SMPD3: variants seen among roughly 807,000 people sequenced by gnomAD.
SMPD3 encodes the protein nSMase-2.
A neutral mutation model predicts 55.7 loss-of-function variants in SMPD3; 21 were observed. The ratio of observed to expected loss-of-function variants is 0.38; its 90% CI spans 0.27 to 0.54. The LOEUF is 0.54. Ranked by LOEUF, SMPD3 falls within the 20% of genes least tolerant of loss-of-function variation. SMPD3 has a pLI of 0.80. For missense variants in SMPD3, 842 were observed against 899.6 expected (o/e 0.94, Z 0.82); for synonymous variants, 457 against 404.3 (o/e 1.13, Z -1.56).
chr16:68,402,712 C>A (rs575971223), intron 1 of SMPD3, among the ~76,000 whole-genome samples: 41 of 152,136 alleles, frequency 2.7e-4, no homozygotes, highest in Non-Finnish European at 4.8e-4. Flanking sequence ...AAAGAGGCAA[C>A]AAGGTTCTAC....
At position 68,370,850 on chromosome 16, in the gene SMPD3, G is replaced by A. The variant is rs760502278; in HGVS notation, c.1323+9C>T. 1.2e-6 allele frequency: 2 copies of A among 1,612,934 alleles called. No individual in the cohort carries two copies. Among genetic ancestry groups the A allele is most frequent in the South Asian group, 1.1e-5 (1 of 90,806 alleles). On this transcript the variant is annotated intron_variant, in intron 3 of 8. Coordinates refer to ENST00000219334, the MANE Select transcript of SMPD3 (RefSeq NM_018667.4). ...CACGTGGTCCTCAGGCTGGGCCGAG[G>A]TCTCCTACCTTGAGAAACAGAGCTC...
intron 1 of SMPD3, among the ~76,000 whole-genome samples, chr16:68,427,282 G>A (rs555171604): frequency 1.3e-5 from 2 of 152,312 alleles, no homozygotes; most frequent in African/African-American, 4.8e-5. Context: ...GGATTAAGGC[G>A]TGAGCCACCA....
chr16:68,380,105 T>C (rs2089915022), intron 2 of SMPD3, among the ~76,000 whole-genome samples: 1 of 152,212 alleles, frequency 6.6e-6, no homozygotes, highest in Non-Finnish European at 1.5e-5. Context: ...CATCTATTAG[T>C]GACCACAAAG....
At chr16:68,418,964 C>T (rs2090362800) in intron 1 of SMPD3, among the ~76,000 whole-genome samples, 1 of 152,112 alleles carries the variant, frequency 6.6e-6, no homozygotes, top group African/African-American at 2.4e-5. Context: ...GGTGTGAGTG[C>T]AGGATGCTGA....
At chr16:68,368,626 G>C (rs2089557599) in intron 3 of SMPD3, 1 of 153,680 alleles carries the variant, frequency 6.5e-6, no homozygotes. Context: ...GCAGCCCGGG[G>C]CAGAGGCTGA....
At position 68,419,114 on chromosome 16, in the gene SMPD3, G is replaced by A. The variant is rs146796049; in HGVS notation, c.-269+29239C>T. The stretch of plus-strand genomic sequence containing the variant: ...GAAGAAGTAGTGGCTAGGGGCCACA[G>A]CTAGTATCTGGCTGGGCTGTCTAGT... On this transcript the variant is annotated intron_variant, in intron 1 of 8. Coordinates refer to ENST00000219334, the MANE Select transcript of SMPD3 (RefSeq NM_018667.4). 5.4e-3 allele frequency among the ~76,000 whole-genome samples: 815 copies of A among 152,310 alleles called. 3 individuals carry two copies. Among genetic ancestry groups the A allele is most frequent in the Non-Finnish European group, 8.4e-3 (572 of 68,030 alleles).
intron 1 of SMPD3, among the ~76,000 whole-genome samples, chr16:68,425,548 C>T (rs576844220): frequency 2.2e-4 from 12 of 54,168 alleles, no homozygotes; most frequent in Admixed American, 2.2e-4. Context: ...GGTGGGGGGG[C>T]GGGCCCTAAG....
chr16:68,411,823 G>C (rs999610904), intron 1 of SMPD3, among the ~76,000 whole-genome samples: 2 of 152,286 alleles, frequency 1.3e-5, no homozygotes, highest in Admixed American at 6.5e-5. Flanking sequence ...TAGGGCAGTG[G>C]GACAGCATCA....
At chr16:68,423,956 G>A (rs1381847447) in intron 1 of SMPD3, among the ~76,000 whole-genome samples, 2 of 152,014 alleles carry the variant, frequency 1.3e-5, no homozygotes, top group African/African-American at 4.8e-5. Flanking sequence ...CTCAGTGGCG[G>A]TGAACAGTCC....
rs1443429272 is a variant in SMPD3 at position 68,401,095 on chromosome 16, CT to C, written c.-268-14437del. Among the ~76,000 whole-genome samples, 14 of 152,302 alleles carry C rather than the reference CT, an allele frequency of 9.2e-5. No individual in the cohort carries two copies. In the South Asian group the frequency reaches 2.7e-3, roughly 29 times the overall value. On this transcript the variant is annotated intron_variant, in intron 1 of 8. Coordinates refer to ENST00000219334, the MANE Select transcript of SMPD3 (RefSeq NM_018667.4). ...AGATAGTGAAACAGAAGTACAGAGT[CT>C]TGAATGAACCACCCAGGCCAGCATC...
Position 68,360,875 on chromosome 16 carries a change from A to G in SMPD3, c.*331T>C, listed in dbSNP as rs2089218731. The G allele has an allele frequency of 3.6e-6, 1 of 275,348 alleles. No individual in the cohort carries two copies. The highest frequency in any genetic ancestry group is 6.9e-6 in the Non-Finnish European group (1 of 144,522). 17.1% of individuals were successfully genotyped at this position (275,348 alleles called of 1,614,324 possible). A position where few individuals can be genotyped will look rare whatever the true frequency, so the allele number is the denominator to read the frequency against. ...AAATAAAGAACCCTGGACGAAGCTTAAGAGGAGATACAGAGAGTACACGAA... is the reference window on the plus strand; with the variant it reads ...AAATAAAGAACCCTGGACGAAGCTTGAGAGGAGATACAGAGAGTACACGAA... On this transcript the variant is annotated 3_prime_UTR_variant, in exon 9 of 9. Coordinates refer to ENST00000219334, the MANE Select transcript of SMPD3 (RefSeq NM_018667.4).
intron 8 of SMPD3, 130 bp downstream of exon 8, chr16:68,361,473 A>G: frequency 8.4e-6 from 12 of 1,433,028 alleles, no homozygotes; most frequent in South Asian, 7.6e-5. Context: ...TAAGGGTCTG[A>G]GGGAGTGATG....
chr16:68,373,574 G>C (rs1283519853), intron 2 of SMPD3, among the ~76,000 whole-genome samples: 1 of 152,094 alleles, frequency 6.6e-6, no homozygotes, highest in South Asian at 2.1e-4. Flanking sequence ...TCCTCCTCCT[G>C]AATCCCTGGT....
At chr16:68,361,850 T>G (rs2089288493) in intron 7 of SMPD3, 91 bp from the exon 8 acceptor site, 26 of 1,247,222 alleles carry the variant, frequency 2.1e-5, no homozygotes, top group African/African-American at 6.1e-5. Flanking sequence ...CTCCTCCCAG[T>G]GTGGGAGCGG....
At position 68,361,264 on chromosome 16, in the gene SMPD3, G is replaced by A. The variant is rs776222354; in HGVS notation, c.1910C>T (p.Thr637Met). Residue 637 changes from threonine to methionine, a missense_variant, in exon 9 of 9, where the codon ACG becomes ATG. Physicochemically the swap from Thr to Met is moderately conservative, Grantham distance 81. Transcript: ENST00000219334. Reference sequence around the variant, plus strand: ...TCGCATGGCTACTGGCAGGTGGTCCGTCAGGCCGGACAGCTGGGTGATAAA... The same window carrying A: ...TCGCATGGCTACTGGCAGGTGGTCCATCAGGCCGGACAGCTGGGTGATAAA... ...FSFITQLSGL[T>M]DHLPVAMRLM... is the part of the protein sequence containing the mutation. The A allele has an allele frequency of 5.6e-6, 9 of 1,611,704 alleles. No individual in the cohort carries two copies. The South Asian group carries it at 6.6e-5, about 12-fold the overall frequency.
At position 68,372,205 on chromosome 16, in the gene SMPD3, C is replaced by T. The variant is rs758156525; in HGVS notation, c.-24G>A. 4.0e-5 allele frequency: 64 copies of T among 1,605,278 alleles called. 1 individual carries two copies. The South Asian group carries it at 5.7e-4, about 14-fold the overall frequency. ...ATCGCAGCTCACTGGGCGCCGCAGC[C>T]GGCCCTACTACATGGTGTCCGTGGC... is the stretch of plus-strand genomic sequence containing the variant. On this transcript the variant is annotated 5_prime_UTR_variant, in exon 3 of 9. Transcript: ENST00000219334.
At chr16:68,379,950 T>A (rs1345904865) in intron 2 of SMPD3, among the ~76,000 whole-genome samples, 1 of 152,244 alleles carries the variant, frequency 6.6e-6, no homozygotes, top group Non-Finnish European at 1.5e-5. Context: ...GCCAACGTGA[T>A]GTTTCAAACA....
intron 3 of SMPD3, chr16:68,369,822 T>C (rs2089598176): frequency 6.6e-6 from 1 of 152,284 alleles, no homozygotes; most frequent in South Asian, 2.1e-4. Flanking sequence ...AGACAAGCTC[T>C]GCCACTCATG....
In SMPD3 at chr16:68,371,582, G is replaced by A. The variant is rs1378192855; in HGVS notation, c.600C>T (p.Val200=). 5 of 1,580,542 alleles carry A rather than the reference G, an allele frequency of 3.2e-6. No homozygotes were observed. The Admixed American group carries it at 5.4e-5, about 17-fold the overall frequency. Residue 200 remains valine, a synonymous_variant, in exon 3 of 9, where the codon GTC becomes GTT. Transcript: ENST00000219334. The part of the protein sequence containing the change: ...PQGGDGVARA[V]PGSIKRTASV... The stretch of plus-strand genomic sequence containing the variant: ...AGGCTGTCCTCTTAATGCTCCCGGG[G>A]ACGGCCCGGGCCACCCCATCGCCGC...
Sources: gnomAD v4.1 joint callset for allele counts (sites outside exome capture counted in the v4.1 genomes callset) on GRCh38, gnomAD v4.1.1 for gene constraint, MANE v1.5 for transcripts, NCBI Gene and HGNC (gene_info 2026-07-23, HGNC 2026-07-21) for gene names.